HMCN1: variants seen among roughly 807,000 people sequenced by gnomAD.
HMCN1 encodes hemicentin-1.
A neutral mutation model predicts 625.9 loss-of-function variants in HMCN1; 321 were observed. The ratio of observed to expected loss-of-function variants is 0.51; its 90% CI spans 0.47 to 0.56. The LOEUF is 0.56. Among genes scored for constraint, HMCN1 ranks in the 20% least tolerant of loss-of-function variants. The pLI, the probability that HMCN1 is intolerant of heterozygous loss-of-function variation, is 0.00. For missense variants in HMCN1, 6,588 were observed against 6,887.3 expected (o/e 0.96, Z 1.54); for synonymous variants, 2,425 against 2,417.6 (o/e 1.00, Z -0.09).
At chr1:185,989,293 C>A (rs971536909) in intron 20 of HMCN1, among the ~76,000 whole-genome samples, 195 bp from the exon 21 acceptor site, 1 of 151,964 alleles carries the variant, frequency 6.6e-6, no homozygotes, top group African/African-American at 2.4e-5. Context: ...CCGCACCTGG[C>A]CCAATTTTAG....
chr1:186,033,482 T>G (rs1655612067), intron 36 of HMCN1, among the ~76,000 whole-genome samples: 1 of 152,142 alleles, frequency 6.6e-6, no homozygotes, highest in African/African-American at 2.4e-5. Context: ...ATATAGCACA[T>G]CCTCTTGTAT....
At chr1:186,125,459 C>G (rs1037176442) in intron 81 of HMCN1, 145 bp from the exon 82 acceptor site, 19 of 662,100 alleles carry the variant, frequency 2.9e-5, no homozygotes, top group Middle Eastern at 2.9e-4. Context: ...TAGCAGGAAG[C>G]AAATCAATAT....
rs1046434113 is a variant in HMCN1, at chr1:186,103,626, A to G, written c.10728A>G (p.Gln3576=). Residue 3576 remains glutamine (Q), a synonymous_variant, in exon 69 of 107, where the codon CAA becomes CAG. Transcript: ENST00000271588. The stretch of plus-strand genomic sequence containing the variant: ...CCCTTCCACAGACGGATCAAGTGCA[A>G]ACTCTAGGAGGAGGAGAGGTTCTTC... ...GRPLPQTDQV[Q]TLGGGEVLRI... is the part of the protein sequence containing the mutation. 3 of 1,613,852 alleles carry G rather than the reference A, an allele frequency of 1.9e-6. No homozygotes were observed. Among genetic ancestry groups the G allele is most frequent in the South Asian group, 1.1e-5 (1 of 91,078 alleles).
chr1:185,934,029 T>C (rs996618711), intron 11 of HMCN1, among the ~76,000 whole-genome samples: 1 of 152,196 alleles, frequency 6.6e-6, no homozygotes, highest in Admixed American at 6.5e-5. Flanking sequence ...GTAACTTTAA[T>C]ACAATCACAG....
chr1:186,114,157 G>T (rs751172296), intron 73 of HMCN1, 34 bp downstream of exon 73: 1 of 1,611,834 alleles, frequency 6.2e-7, no homozygotes, highest in South Asian at 1.1e-5. Context: ...AATGCTATAA[G>T]ACCTGAAATA....
At chr1:185,925,264 G>A in intron 9 of HMCN1, 73 bp downstream of exon 9, 1 of 1,438,018 alleles carries the variant, frequency 7.0e-7, no homozygotes, top group South Asian at 1.1e-5. Context: ...TTATTGCAGT[G>A]TACTTTTTCA....
At chr1:186,147,222 C>G (rs1431974374) in intron 93 of HMCN1, among the ~76,000 whole-genome samples, 2 of 152,206 alleles carry the variant, frequency 1.3e-5, no homozygotes, top group African/African-American at 4.8e-5. Context: ...TCTGCCCTCC[C>G]TGGCTTAGTT....
chr1:185,786,004 A>C (rs1290537667), intron 1 of HMCN1, among the ~76,000 whole-genome samples: 1 of 152,218 alleles, frequency 6.6e-6, no homozygotes, highest in African/African-American at 2.4e-5. Context: ...CTTATCAGCT[A>C]TCACTGGCAA....
intron 4 of HMCN1, among the ~76,000 whole-genome samples, chr1:185,876,050 C>G (rs1663907292): frequency 6.6e-6 from 1 of 151,950 alleles, no homozygotes; most frequent in South Asian, 2.1e-4. Context: ...GGTAATTTTT[C>G]AACCCTCGCC....
At position 186,187,903 on chromosome 1, in the gene HMCN1, C is replaced by A; in HGVS notation, c.16435C>A (p.Gln5479Lys). 1.2e-6 allele frequency: 2 copies of A among 1,613,776 alleles called. No individual in the cohort carries two copies. The highest frequency in any genetic ancestry group is 1.7e-6 in the Non-Finnish European group (2 of 1,179,768). ...CCTAGATATCGATGAATGTCTGGAG[C>A]AGAATGTGCACTGTGGACCCAATCG... ...TCQDIDECLE[Q>K]NVHCGPNRMC... The change falls in exon 106 of 107, where the codon CAG (glutamine) becomes AAG (lysine). Residue 5479 changes from glutamine to lysine, a missense_variant. By Grantham distance (53) the Gln-to-Lys change is moderately conservative. Transcript: ENST00000271588.
At chr1:185,972,397 G>A (rs1031313367) in intron 15 of HMCN1, among the ~76,000 whole-genome samples, 3 of 152,050 alleles carry the variant, frequency 2.0e-5, no homozygotes, top group South Asian at 2.1e-4. Flanking sequence ...TCTGTGTTGG[G>A]GTGACTTACA....
intron 1 of HMCN1, among the ~76,000 whole-genome samples, chr1:185,801,673 G>A (rs939566159): frequency 9.2e-5 from 14 of 152,110 alleles, no homozygotes; most frequent in Non-Finnish European, 1.3e-4. Context: ...ATGGCAAGGA[G>A]GAATAACAGT....
intron 4 of HMCN1, among the ~76,000 whole-genome samples, chr1:185,907,034 A>G (rs1264231823): frequency 1.3e-5 from 2 of 150,454 alleles, no homozygotes; most frequent in African/African-American, 4.9e-5. Flanking sequence ...TCTGATTATT[A>G]AAGTATGTGT....
intron 2 of HMCN1, among the ~76,000 whole-genome samples, chr1:185,861,507 C>T (rs1427130395): frequency 6.6e-6 from 1 of 152,162 alleles, no homozygotes; most frequent in Admixed American, 6.5e-5. Context: ...TTTCTCTAAG[C>T]TTCTGAATAT....
intron 1 of HMCN1, among the ~76,000 whole-genome samples, chr1:185,809,626 G>C (rs1319770841): frequency 6.6e-6 from 1 of 151,858 alleles, no homozygotes; most frequent in African/African-American, 2.4e-5. Context: ...TTTGTACAGT[G>C]GCACTCCTGG....
intron 11 of HMCN1, among the ~76,000 whole-genome samples, chr1:185,953,740 C>G (rs963557362): frequency 1.3e-5 from 2 of 151,728 alleles, no homozygotes; most frequent in East Asian, 3.9e-4. Context: ...GGAGGTCCCC[C>G]GATCCGAGTC....
chr1:186,039,913 A>G (rs781630358), intron 39 of HMCN1, 34 bp downstream of exon 39: 1 of 1,597,798 alleles, frequency 6.3e-7, no homozygotes, highest in Non-Finnish European at 8.6e-7. Context: ...GACATTTACC[A>G]CCTGATTATT....
chr1:185,752,101 A>G (rs1214251412), intron 1 of HMCN1, among the ~76,000 whole-genome samples: 1 of 152,152 alleles, frequency 6.6e-6, no homozygotes, highest in East Asian at 1.9e-4. Flanking sequence ...GGATTCCAAA[A>G]TTAGCTTGTG....
chr1:185,870,189 C>G (rs972846860), intron 4 of HMCN1, among the ~76,000 whole-genome samples: 1 of 151,952 alleles, frequency 6.6e-6, no homozygotes, highest in South Asian at 2.1e-4. Flanking sequence ...TTTACAATAC[C>G]TCTCAAGGAT....
Sources: allele counts gnomAD v4.1 joint callset (sites outside exome capture counted in the v4.1 genomes callset), GRCh38; gene constraint gnomAD v4.1.1; transcripts MANE v1.5; gene names NCBI Gene and HGNC (gene_info 2026-07-23, HGNC 2026-07-21).